Variants in BOLA3 observed in about 807,000 individuals in gnomAD.
BOLA3 encodes bolA family member 3.
A neutral mutation model predicts 14.5 loss-of-function variants in BOLA3; 8 were observed. The observed-to-expected ratio is 0.55, with a 90% CI of 0.32 to 0.99. BOLA3 has a LOEUF of 0.99. Ranked by LOEUF, BOLA3 falls within the 50% of genes least tolerant of loss-of-function variation. BOLA3 has a pLI of 0.04. For synonymous variants in BOLA3, 42 were observed against 45.7 expected (o/e 0.92, Z 0.33); for missense variants, 115 against 138.2 (o/e 0.83, Z 0.84).
rs545545989 is a variant in BOLA3, at chr2:74,140,104, T to C, written c.258+2168A>G. 7.2e-5 allele frequency among the ~76,000 whole-genome samples: 11 copies of C among 152,256 alleles called. No homozygotes were observed. In the South Asian group the frequency reaches 2.1e-3, roughly 29 times the overall value. On this transcript the variant is annotated intron_variant, in intron 3 of 3. Coordinates refer to ENST00000327428, the MANE Select transcript of BOLA3 (RefSeq NM_212552.3). ...TTCGAGACCAGCCTGGCCAACATGG[T>C]GAAACCCCATCTCTACTAAAAATAC...
intron 1 of BOLA3, 120 bp downstream of exon 1, chr2:74,147,701 A>C: frequency 1.1e-6 from 1 of 878,136 alleles, no homozygotes; most frequent in South Asian, 1.4e-5. Flanking sequence ...GGAGCCCCCC[A>C]TTGCCAGTGC....
In BOLA3 at chr2:74,135,594, C is replaced by T. The variant is rs1284008023; in HGVS notation, c.323G>A (p.Ter108=). 2 of 1,614,092 alleles carry T rather than the reference C, an allele frequency of 1.2e-6. No individual in the cohort carries two copies. The highest frequency in any genetic ancestry group is 1.7e-5 in the Admixed American group (1 of 60,020). Residue 108 remains the stop codon, a stop_retained_variant, in exon 4 of 4, where the codon TGA becomes TAA. Transcript: ENST00000327428. The part of the protein sequence containing the change: ...LRIFTSVPKR[*] Reference sequence around the variant, plus strand: ...AGCATCTATGCAGCCAGGGCGTGGTCAGCGTTTGGGGACAGAGGTAAATAT... The same window carrying T: ...AGCATCTATGCAGCCAGGGCGTGGTTAGCGTTTGGGGACAGAGGTAAATAT...
Position 74,147,825 on chromosome 2 carries a change from C to T in BOLA3, c.50G>A (p.Arg17His). 6.5e-7 allele frequency: 1 copy of T among 1,528,678 alleles called. No individual in the cohort carries two copies. The highest frequency in any genetic ancestry group is 8.7e-7 in the Non-Finnish European group (1 of 1,144,434). 94.7% of individuals were successfully genotyped at this position (1,528,678 alleles called of 1,614,324 possible). The change falls in exon 1 of 4, where the codon CGC becomes CAC. Residue 17 changes from arginine to histidine, a missense_variant. Physicochemically the swap from Arg to His is conservative, Grantham distance 29. Coordinates refer to ENST00000327428, the MANE Select transcript of BOLA3 (RefSeq NM_212552.3). Reference sequence around the variant, plus strand: ...CCCGACCCTGCCCACGCTCACCCCGCGGATCCCGCGGAGGAGAGGCGCTGC... The same window carrying T: ...CCCGACCCTGCCCACGCTCACCCCGTGGATCCCGCGGAGGAGAGGCGCTGC... The part of the protein sequence containing the change: ...AAAAPLLRGI[R>H]GLPLHHRMFA...
rs1667605 is a variant in BOLA3 at position 74,147,757 on chromosome 2, G to A, written c.54+64C>T. ...CAGTCCTCAAGCCCCGACAGCCGCC[G>A]GCCCCGCGGTCCCTCCGCAGCTCCC... On this transcript the variant is annotated intron_variant, in intron 1 of 3. Transcript: ENST00000327428. 0.42 allele frequency: 629,315 copies of A among 1,501,072 alleles called. 136,898 individuals are homozygous for A. Among genetic ancestry groups the A allele is most frequent in the African/African-American group, 0.62 (44,824 of 71,786 alleles). The allele number at this position is 1,501,072 out of a possible 1,614,324, so 93.0% of individuals were successfully genotyped here.
intron 3 of BOLA3, 115 bp from the exon 4 acceptor site, chr2:74,135,773 T>G: frequency 1.2e-6 from 1 of 813,814 alleles, no homozygotes; most frequent in Non-Finnish European, 2.1e-6. Context: ...TGTGCTTTGT[T>G]TAAGCAATTT....
In BOLA3 at chr2:74,135,527, G is replaced by A. The variant is rs1692307200; in HGVS notation, c.*66C>T. The A allele has an allele frequency of 6.2e-7, 1 of 1,606,016 alleles. No homozygotes were observed. The highest frequency in any genetic ancestry group is 8.5e-7 in the Non-Finnish European group (1 of 1,173,588). ...ATAAATTTTTTGGTGACTGCTTAGG[G>A]AAGAATGATGTCAGTGAAGTTCATC... is the stretch of plus-strand genomic sequence containing the variant. On this transcript the variant is annotated 3_prime_UTR_variant, in exon 4 of 4. Coordinates refer to ENST00000327428, the MANE Select transcript of BOLA3 (RefSeq NM_212552.3).
At chr2:74,142,942 G>T (rs1226013097) in intron 2 of BOLA3, among the ~76,000 whole-genome samples, 2 of 152,162 alleles carry the variant, frequency 1.3e-5, no homozygotes, top group East Asian at 3.8e-4. Context: ...GCTTTTGGGG[G>T]GAGAACTTTT....
rs1270704795 is a variant in BOLA3, at chr2:74,147,835, G to A, written c.40C>T (p.Arg14Cys). The A allele has an allele frequency of 2.0e-6, 3 of 1,527,046 alleles. No homozygotes were observed. Among genetic ancestry groups the A allele is most frequent in the East Asian group, 2.5e-5 (1 of 40,028 alleles). The allele number at this position is 1,527,046 out of a possible 1,614,324, so 94.6% of individuals were successfully genotyped here. A position where few individuals can be genotyped will look rare whatever the true frequency, so the allele number is the denominator to read the frequency against. ...CCCACGCTCACCCCGCGGATCCCGC[G>A]GAGGAGAGGCGCTGCCGCGGCCGGG... ...WSPAAAAPLL[R>C]GIRGLPLHHR... Residue 14 changes from arginine to cysteine, a missense_variant, in exon 1 of 4, where the codon CGC becomes TGC. Coordinates refer to ENST00000327428, the MANE Select transcript of BOLA3 (RefSeq NM_212552.3).
intron 1 of BOLA3, chr2:74,147,588 C>G (rs1572945652): frequency 3.5e-6 from 2 of 574,420 alleles, no homozygotes; most frequent in East Asian, 3.2e-5. Context: ...CCAACCTCCA[C>G]CCAGCTCGGG....
At chr2:74,139,555 C>A (rs1339939859) in intron 3 of BOLA3, among the ~76,000 whole-genome samples, 4 of 152,186 alleles carry the variant, frequency 2.6e-5, no homozygotes, top group African/African-American at 9.7e-5. Context: ...CTCCAGGTCC[C>A]GGCTCAGACC....
At chr2:74,135,898 C>T (rs777895621) in intron 3 of BOLA3, among the ~76,000 whole-genome samples, 6 of 152,142 alleles carry the variant, frequency 3.9e-5, no homozygotes, top group Middle Eastern at 3.4e-3. Flanking sequence ...GTCCATCTCC[C>T]CAGTTTCCAC....
chr2:74,145,325 G>T (rs1692524308), intron 1 of BOLA3, 22 bp from the exon 2 acceptor site: 2 of 1,385,238 alleles, frequency 1.4e-6, no homozygotes, highest in Non-Finnish European at 2.1e-6. Flanking sequence ...CAGAGAGGAA[G>T]GTCAGGGCAG....
intron 2 of BOLA3, among the ~76,000 whole-genome samples, chr2:74,144,449 C>T (rs1692504874): frequency 6.6e-6 from 1 of 152,234 alleles, no homozygotes; most frequent in Admixed American, 6.5e-5. Flanking sequence ...GCAAAGGCTG[C>T]CTCTGGGTAT....
chr2:74,135,462 T>G lies in BOLA3; in HGVS notation c.*131A>C, dbSNP rs1692305600. On this transcript the variant is annotated 3_prime_UTR_variant, in exon 4 of 4. Transcript: ENST00000327428. ...TTAACATCTAAATAGATTATACATC[T>G]TCTATAATTATAATATGGAAATGTA... is the stretch of plus-strand genomic sequence containing the variant. 1.5e-6 allele frequency: 2 copies of G among 1,315,378 alleles called. No homozygotes were observed. Among genetic ancestry groups the G allele is most frequent in the Admixed American group, 1.7e-5 (1 of 59,198 alleles). The allele number at this position is 1,315,378 out of a possible 1,614,324, so 81.5% of individuals were successfully genotyped here.
chr2:74,145,116 G>A, intron 2 of BOLA3, 73 bp downstream of exon 2: 1 of 854,826 alleles, frequency 1.2e-6, no homozygotes, highest in Non-Finnish European at 2.0e-6. Context: ...CCTCCTCCAA[G>A]CCCCTGACCC....
intron 2 of BOLA3, 143 bp downstream of exon 2, chr2:74,145,046 C>G (rs957859635): frequency 9.3e-5 from 63 of 680,254 alleles, no homozygotes; most frequent in Non-Finnish European, 1.4e-4. Flanking sequence ...GTGGGGGCAG[C>G]CGAGCTCCAC....
intron 3 of BOLA3, among the ~76,000 whole-genome samples, chr2:74,138,564 G>A (rs981480000): frequency 3.3e-5 from 5 of 152,218 alleles, no homozygotes; most frequent in Non-Finnish European, 5.9e-5. Context: ...AGGCTGGGAA[G>A]CTCCCGTGAT....
Position 74,135,672 on chromosome 2 carries a change from C to G in BOLA3, c.259-14G>C. 1 of 1,567,506 alleles carries G rather than the reference C, an allele frequency of 6.4e-7. No individual in the cohort carries two copies. The highest frequency in any genetic ancestry group is 8.8e-7 in the Non-Finnish European group (1 of 1,137,686). The stretch of plus-strand genomic sequence containing the variant: ...TTCTTTTAGTGCCTAAGTAAGAAAA[C>G]AGCATCATCAGTTTTTGTGTATTTG... On this transcript the variant is annotated splice_polypyrimidine_tract_variant and intron_variant, in intron 3 of 3. Coordinates refer to ENST00000327428, the MANE Select transcript of BOLA3 (RefSeq NM_212552.3).
chr2:74,139,938 A>G (rs556478273), intron 3 of BOLA3, among the ~76,000 whole-genome samples: 12 of 152,324 alleles, frequency 7.9e-5, no homozygotes, highest in African/African-American at 2.6e-4. Flanking sequence ...AAGGAGTTCA[A>G]GACCAGCCTG....
Sources: gnomAD v4.1 joint callset for allele counts (sites outside exome capture counted in the v4.1 genomes callset) on GRCh38, gnomAD v4.1.1 for gene constraint, MANE v1.5 for transcripts, NCBI Gene and HGNC (gene_info 2026-07-23, HGNC 2026-07-21) for gene names.